Variants in OSBPL8 observed in about 807,000 individuals in gnomAD.
OSBPL8 encodes the protein oxysterol-binding protein-related protein 8.
Under a neutral mutation model 125.5 loss-of-function variants are expected in OSBPL8, and 59 were observed. That is an observed-to-expected ratio of 0.47 (90% CI 0.38 to 0.58). OSBPL8 has a LOEUF of 0.58. Among genes scored for constraint, OSBPL8 ranks in the 20% least tolerant of loss-of-function variants. OSBPL8 has a pLI of 0.00. For synonymous variants in OSBPL8, 330 were observed against 338.9 expected, an observed-to-expected ratio of 0.97 and a Z score of 0.29; for missense variants, 758 against 1,047.8, an observed-to-expected ratio of 0.72 and a Z score of 3.82.
At chr12:76,462,399 T>C (rs1405289401) in intron 2 of OSBPL8, among the ~76,000 whole-genome samples, 2 of 152,226 alleles carry the variant, frequency 1.3e-5, no homozygotes, top group African/African-American at 4.8e-5. Context: ...TCTGATTCTA[T>C]TGGATCAATC....
chr12:76,471,571 A>G (rs1876139161), intron 2 of OSBPL8, among the ~76,000 whole-genome samples: 1 of 152,186 alleles, frequency 6.6e-6, no homozygotes, highest in African/African-American at 2.4e-5. Context: ...ACACTTAAGC[A>G]ATTTATCTTC....
At chr12:76,447,031 A>T (rs1471151071) in intron 4 of OSBPL8, among the ~76,000 whole-genome samples, 4 of 152,142 alleles carry the variant, frequency 2.6e-5, no homozygotes, top group Non-Finnish European at 5.9e-5. Flanking sequence ...ACCCTAAGTG[A>T]TGATCTTGTC....
intron 15 of OSBPL8, among the ~76,000 whole-genome samples, chr12:76,380,180 T>G (rs1195540579): frequency 6.6e-6 from 1 of 152,196 alleles, no homozygotes; most frequent in African/African-American, 2.4e-5. Context: ...CTGCTTAGAT[T>G]ATGATTAGGA....
chr12:76,491,006 A>T (rs1878659270), intron 1 of OSBPL8, among the ~76,000 whole-genome samples: 1 of 152,194 alleles, frequency 6.6e-6, no homozygotes, highest in Non-Finnish European at 1.5e-5. Context: ...GGTCCAAGTG[A>T]GTGGAGTTTG....
At chr12:76,426,997 G>A (rs749075076) in intron 4 of OSBPL8, among the ~76,000 whole-genome samples, 4 of 151,986 alleles carry the variant, frequency 2.6e-5, no homozygotes, top group Admixed American at 6.6e-5. Context: ...TGTAATCACC[G>A]GTGTTTAATT....
At chr12:76,507,963 G>T (rs1253076670) in intron 1 of OSBPL8, among the ~76,000 whole-genome samples, 1 of 151,976 alleles carries the variant, frequency 6.6e-6, no homozygotes, top group Non-Finnish European at 1.5e-5. Context: ...CTGAGATCAG[G>T]AGTTTGAGAT....
chr12:76,482,072 A>C (rs1285231149), intron 2 of OSBPL8, among the ~76,000 whole-genome samples: 2 of 152,308 alleles, frequency 1.3e-5, no homozygotes, highest in East Asian at 3.9e-4. Flanking sequence ...GAACTAAATC[A>C]TTTTTGCAGT....
At chr12:76,479,249 A>T (rs1011741744) in intron 2 of OSBPL8, among the ~76,000 whole-genome samples, 1 of 152,180 alleles carries the variant, frequency 6.6e-6, no homozygotes, top group African/African-American at 2.4e-5. Flanking sequence ...GCTTAAGGGG[A>T]TGGATACCCC....
intron 4 of OSBPL8, among the ~76,000 whole-genome samples, chr12:76,418,010 C>CTTTTTTTTTTT (rs35319213): frequency 4.5e-5 from 5 of 111,580 alleles, no homozygotes; most frequent in Non-Finnish European, 7.3e-5. Flanking sequence ...TTTTCACTAC[C>CTTTTTTTTTTT]TTTTTTTTTT....
intron 2 of OSBPL8, among the ~76,000 whole-genome samples, chr12:76,470,741 A>T: frequency 6.6e-6 from 1 of 152,234 alleles, no homozygotes; most frequent in Non-Finnish European, 1.5e-5. Context: ...AATAACATGG[A>T]AACGTCAACC....
intron 10 of OSBPL8, among the ~76,000 whole-genome samples, chr12:76,391,118 G>A (rs770857119): frequency 3.5e-5 from 5 of 142,212 alleles, no homozygotes; most frequent in Non-Finnish European, 7.4e-5. Context: ...ACCTGTATAA[G>A]AAGGTTTCCA....
intron 6 of OSBPL8, among the ~76,000 whole-genome samples, chr12:76,400,892 A>C (rs1954026410): frequency 6.6e-6 from 1 of 150,664 alleles, no homozygotes; most frequent in African/African-American, 2.4e-5. Context: ...GGGTCAACGC[A>C]ATTCTTGTGC....
chr12:76,508,706 C>G (rs1880674167), intron 1 of OSBPL8, among the ~76,000 whole-genome samples: 1 of 152,172 alleles, frequency 6.6e-6, no homozygotes, highest in South Asian at 2.1e-4. Flanking sequence ...TTATTATATG[C>G]TAATTATAGT....
intron 1 of OSBPL8, among the ~76,000 whole-genome samples, chr12:76,512,502 C>A (rs751975286): frequency 6.6e-6 from 1 of 152,100 alleles, no homozygotes; most frequent in Non-Finnish European, 1.5e-5. Context: ...TGTAGGTATG[C>A]AGCCTTATTT....
chr12:76,548,914 A>C (rs932915132), intron 1 of OSBPL8, among the ~76,000 whole-genome samples: 1 of 152,134 alleles, frequency 6.6e-6, no homozygotes, highest in African/African-American at 2.4e-5. Flanking sequence ...AAACATAAAA[A>C]CTGACCGGAG....
intron 22 of OSBPL8, among the ~76,000 whole-genome samples, chr12:76,358,175 C>CTTTTTTTT (rs60714321): frequency 9.0e-5 from 9 of 100,192 alleles, no homozygotes; most frequent in Non-Finnish European, 1.2e-4. Context: ...GAGTGTGGTT[C>CTTTTTTTT]TTTTTTTTTT....
intron 1 of OSBPL8, among the ~76,000 whole-genome samples, chr12:76,506,161 A>C (rs957825759): frequency 2.0e-5 from 3 of 152,254 alleles, no homozygotes; most frequent in Admixed American, 2.0e-4. Context: ...ACTTAAGCAG[A>C]GTTTGTGCCC....
At chr12:76,415,051 T>C (rs1397980986) in intron 4 of OSBPL8, among the ~76,000 whole-genome samples, 1 of 152,092 alleles carries the variant, frequency 6.6e-6, no homozygotes, top group Admixed American at 6.6e-5. Flanking sequence ...TTGGAAAAAT[T>C]ATAGGACAAT....
chr12:76,417,892 G>A (rs1008426630), intron 4 of OSBPL8, among the ~76,000 whole-genome samples: 1 of 151,152 alleles, frequency 6.6e-6, no homozygotes, highest in East Asian at 1.9e-4. Flanking sequence ...ATTTTCTTAT[G>A]TATCTGGCCA....
Sources: allele counts gnomAD v4.1 joint callset (sites outside exome capture counted in the v4.1 genomes callset), GRCh38; gene constraint gnomAD v4.1.1; transcripts MANE v1.5; gene names NCBI Gene and HGNC (gene_info 2026-07-23, HGNC 2026-07-21).